EGFLAM: variants seen among roughly 807,000 people sequenced by gnomAD.
EGFLAM encodes EGF like, fibronectin type III and laminin G domains, also known as pikachurin.
In EGFLAM, 79 loss-of-function variants were observed where a neutral mutation model predicts 113.1. That is an observed-to-expected ratio of 0.70 (90% CI 0.58 to 0.84). EGFLAM has a LOEUF of 0.84. EGFLAM is among the 40% of genes least tolerant of loss of function. The pLI is 0.00. For missense variants in EGFLAM, 1,265 were observed against 1,291.6 expected (o/e 0.98, Z 0.32); for synonymous variants, 504 against 487.6 (o/e 1.03, Z -0.44).
chr5:38,422,610 A>G (rs1475072002), intron 12 of EGFLAM, among the ~76,000 whole-genome samples: 3 of 152,212 alleles, frequency 2.0e-5, no homozygotes, highest in Non-Finnish European at 2.9e-5. Context: ...TTGCTTTTAC[A>G]ATAATATATG....
At chr5:38,433,021 A>G (rs978725643) in intron 15 of EGFLAM, among the ~76,000 whole-genome samples, 2 of 152,214 alleles carry the variant, frequency 1.3e-5, no homozygotes, top group Non-Finnish European at 2.9e-5. Context: ...TTGGAGGGAC[A>G]TTCTGCTGAG....
intron 5 of EGFLAM, among the ~76,000 whole-genome samples, chr5:38,365,574 A>G (rs577653858): frequency 1.3e-5 from 2 of 152,174 alleles, no homozygotes; most frequent in Non-Finnish European, 2.9e-5. Flanking sequence ...GTGTGTTTCA[A>G]ATTATGGGCC....
intron 3 of EGFLAM, among the ~76,000 whole-genome samples, chr5:38,342,349 C>T (rs931088862): frequency 6.6e-6 from 1 of 152,190 alleles, no homozygotes; most frequent in African/African-American, 2.4e-5. Flanking sequence ...GCTCCCCCTC[C>T]TTTTACCTCC....
chr5:38,259,113 G>A (rs917063235), intron 1 of EGFLAM, among the ~76,000 whole-genome samples: 1 of 152,216 alleles, frequency 6.6e-6, no homozygotes, highest in Non-Finnish European at 1.5e-5. Flanking sequence ...GTGTTTGACC[G>A]CAGAGAGCTG....
chr5:38,370,606 C>A, intron 6 of EGFLAM, 144 bp downstream of exon 6: 1 of 1,094,558 alleles, frequency 9.1e-7, no homozygotes, highest in Non-Finnish European at 1.3e-6. Flanking sequence ...TTTTCCCAGC[C>A]CTTTGGAAGT....
intron 13 of EGFLAM, among the ~76,000 whole-genome samples, 172 bp from the exon 14 acceptor site, chr5:38,426,837 C>G (rs565704449): frequency 3.5e-4 from 53 of 152,120 alleles, no homozygotes; most frequent in Non-Finnish European, 6.8e-4. Context: ...CTCTATGATT[C>G]TTCCACCCAT....
At chr5:38,417,706 T>A (rs1045130663) in intron 11 of EGFLAM, among the ~76,000 whole-genome samples, 3 of 152,116 alleles carry the variant, frequency 2.0e-5, no homozygotes, top group Non-Finnish European at 4.4e-5. Context: ...CCCCCTAAGA[T>A]CCTTCCAAAG....
intron 1 of EGFLAM, among the ~76,000 whole-genome samples, chr5:38,336,472 G>A (rs2111942401): frequency 6.6e-6 from 1 of 152,140 alleles, no homozygotes; most frequent in African/African-American, 2.4e-5. Context: ...TACTCCGGAG[G>A]CTGAGGCAGG....
At chr5:38,393,867 G>A (rs535540336) in intron 6 of EGFLAM, among the ~76,000 whole-genome samples, 15 of 152,340 alleles carry the variant, frequency 9.8e-5, no homozygotes, top group African/African-American at 3.4e-4. Flanking sequence ...GGCCCTCTCG[G>A]CACCCGGGTT....
At chr5:38,427,285 T>C (rs777980866) in intron 14 of EGFLAM, 33 bp downstream of exon 14, 1 of 1,602,552 alleles carries the variant, frequency 6.2e-7, no homozygotes, top group African/African-American at 1.3e-5. Flanking sequence ...ACTCTTTCCC[T>C]TAAAAAGGCA....
At chr5:38,431,147 T>C in intron 14 of EGFLAM, 30 bp from the exon 15 acceptor site, 1 of 1,600,912 alleles carries the variant, frequency 6.2e-7, no homozygotes, top group Non-Finnish European at 8.6e-7. Context: ...ACTCGATACA[T>C]AAAAATAATA....
At chr5:38,258,915 G>C in intron 1 of EGFLAM, 64 bp downstream of exon 1, 2 of 1,518,794 alleles carry the variant, frequency 1.3e-6, no homozygotes, top group South Asian at 2.4e-5. Context: ...CCGGGGCGAG[G>C]ACACAGAGCG....
rs148800262 is a variant in EGFLAM, at chr5:38,421,423, G to A, written c.1684+3168G>A. On this transcript the variant is annotated intron_variant, in intron 12 of 21. Transcript: ENST00000322350. ...TCCCCACTCTGCTGGAGCAGTCACA[G>A]AGCCACTTCCCAGGGTATTTGAGAT... Among the ~76,000 whole-genome samples the A allele has an allele frequency of 3.3e-3, 505 of 152,344 alleles. 6 individuals are homozygous for A. Among genetic ancestry groups the A allele is most frequent in the Non-Finnish European group, 1.6e-3 (112 of 68,042 alleles).
chr5:38,439,240 A>G (rs188118651), intron 17 of EGFLAM, among the ~76,000 whole-genome samples: 55 of 152,322 alleles, frequency 3.6e-4, no homozygotes, highest in African/African-American at 1.3e-3. Context: ...GTCATAGACC[A>G]TGAGACCCTG....
intron 3 of EGFLAM, among the ~76,000 whole-genome samples, chr5:38,343,335 G>A (rs1303023059): frequency 6.6e-6 from 1 of 151,588 alleles, no homozygotes; most frequent in African/African-American, 2.4e-5. Flanking sequence ...GAACCCTGGA[G>A]GCGGAGGTTA....
chr5:38,400,520 A>G (rs868446006), intron 6 of EGFLAM, among the ~76,000 whole-genome samples: 3 of 152,294 alleles, frequency 2.0e-5, no homozygotes, highest in Middle Eastern at 3.4e-3. Flanking sequence ...CTTGGACCGT[A>G]CATTCTGTGC....
At chr5:38,437,659 G>T (rs533037576) in intron 16 of EGFLAM, among the ~76,000 whole-genome samples, 1 of 152,308 alleles carries the variant, frequency 6.6e-6, no homozygotes, top group Admixed American at 6.5e-5. Context: ...CCGCCAGGTG[G>T]TTCTAATGTG....
intron 6 of EGFLAM, 143 bp downstream of exon 6, chr5:38,370,605 C>T (rs1740183612): frequency 9.0e-7 from 1 of 1,111,116 alleles, no homozygotes; most frequent in Non-Finnish European, 1.2e-6. Context: ...GTTTTCCCAG[C>T]CCTTTGGAAG....
rs748056147 is a variant in EGFLAM, at chr5:38,453,366, C to T, written c.2687+1908C>T. ...AGAAGCTGAAGACTTAATTCTGGGGCTTCTGTTGGTCCTGTGCTAAGATTA... is the reference window on the plus strand; with the variant it reads ...AGAAGCTGAAGACTTAATTCTGGGGTTTCTGTTGGTCCTGTGCTAAGATTA... On this transcript the variant is annotated intron_variant, in intron 19 of 21. Coordinates refer to ENST00000322350, the MANE Select transcript of EGFLAM (RefSeq NM_152403.4). 3.9e-5 allele frequency among the ~76,000 whole-genome samples: 6 copies of T among 152,342 alleles called. No individual in the cohort carries two copies. In the East Asian group the frequency reaches 5.8e-4, roughly 15 times the overall value.
Sources: allele counts gnomAD v4.1 joint callset (sites outside exome capture counted in the v4.1 genomes callset), GRCh38; gene constraint gnomAD v4.1.1; transcripts MANE v1.5; gene names NCBI Gene and HGNC (gene_info 2026-07-23, HGNC 2026-07-21).